Variants in UBAP2 observed in about 807,000 individuals in gnomAD.
The protein encoded by UBAP2 is ubiquitin associated protein 2, also known as ubiquitin-associated protein 2.
UBAP2 carries 75 observed loss-of-function variants against 139.6 expected under a neutral mutation model. That is an observed-to-expected ratio of 0.54 (90% CI 0.45 to 0.65). UBAP2 has a LOEUF of 0.65. UBAP2 is among the 30% of genes least tolerant of loss of function. The pLI, the probability that UBAP2 is intolerant of heterozygous loss-of-function variation, is 0.00. For missense variants in UBAP2, 1,368 were observed against 1,369.6 expected (o/e 1.00, Z 0.02); for synonymous variants, 526 against 526.2 (o/e 1.00, Z 0.01).
At chr9:33,930,862 C>T (rs1461793306) in intron 19 of UBAP2, among the ~76,000 whole-genome samples, 1 of 138,062 alleles carries the variant, frequency 7.2e-6, no homozygotes, top group Non-Finnish European at 1.5e-5. Flanking sequence ...CGCCATTGCA[C>T]TCCAGCCTAG....
chr9:33,966,859 A>C (rs1827502375), intron 8 of UBAP2, among the ~76,000 whole-genome samples: 1 of 152,184 alleles, frequency 6.6e-6, no homozygotes. Context: ...GGGAGAATAT[A>C]TGTGTATACA....
At chr9:34,047,211 A>G (rs1410444512) in intron 1 of UBAP2, among the ~76,000 whole-genome samples, 2 of 152,200 alleles carry the variant, frequency 1.3e-5, no homozygotes, top group Admixed American at 1.3e-4. Context: ...CGCTGTGGGA[A>G]AATCTCTCGT....
At chr9:33,923,764 G>A (rs367630242) in intron 24 of UBAP2, 31 bp downstream of exon 24, 11 of 1,607,594 alleles carry the variant, frequency 6.8e-6, no homozygotes, top group Admixed American at 1.7e-5. Flanking sequence ...CCAAGGCCAG[G>A]AGACACAGTC....
intron 1 of UBAP2, among the ~76,000 whole-genome samples, chr9:34,033,274 T>C (rs1240728672): frequency 6.6e-6 from 1 of 152,180 alleles, no homozygotes; most frequent in African/African-American, 2.4e-5. Context: ...AGAGTACTAC[T>C]TAGCCATAAA....
intron 1 of UBAP2, among the ~76,000 whole-genome samples, chr9:34,030,532 AG>A (rs1825803291): frequency 6.6e-6 from 1 of 152,168 alleles, no homozygotes; most frequent in African/African-American, 2.4e-5. Context: ...CTGAAATGGG[AG>A]GATCACTTGA....
intron 10 of UBAP2, among the ~76,000 whole-genome samples, chr9:33,958,596 C>T (rs1360790301): frequency 1.3e-5 from 2 of 151,452 alleles, no homozygotes; most frequent in Non-Finnish European, 2.9e-5. Flanking sequence ...TTAGTAGAGA[C>T]ACGGTTTCAC....
chr9:34,000,443 T>TA (rs747712212), intron 2 of UBAP2, among the ~76,000 whole-genome samples: 24 of 152,340 alleles, frequency 1.6e-4, no homozygotes, highest in Non-Finnish European at 2.9e-4. Flanking sequence ...TCTGGTTTCT[T>TA]AGTTTTAACG....
At chr9:33,942,595 T>A (rs1004715349) in intron 15 of UBAP2, among the ~76,000 whole-genome samples, 2 of 151,686 alleles carry the variant, frequency 1.3e-5, no homozygotes, top group African/African-American at 4.8e-5. Context: ...CTGGGCATGG[T>A]GGTGCACGCC....
At chr9:33,981,795 G>A (rs554314761) in intron 6 of UBAP2, among the ~76,000 whole-genome samples, 1 of 133,718 alleles carries the variant, frequency 7.5e-6, no homozygotes, top group East Asian at 2.6e-4. Context: ...AGGAAGGAAG[G>A]AAGGAAGGAA....
rs772201540 is a variant in UBAP2 at position 33,960,840 on chromosome 9, C to G, written c.784G>C (p.Asp262His). The change falls in exon 10 of 29, where the codon GAC (aspartate) becomes CAC (histidine). Residue 262 changes from aspartate (D) to histidine (H), a missense_variant. Coordinates refer to ENST00000379238, the MANE Select transcript of UBAP2 (RefSeq NM_001370062.2). The part of the protein sequence containing the change: ...KNSVEEWTTE[D>H]WTEDLSETKV... ...CAAACACTTACATCTTCAGTCCAGT[C>G]TTCTGTTGTCCACTCTTCCACAGAA... 2 of 1,613,486 alleles carry G rather than the reference C, an allele frequency of 1.2e-6. No homozygotes were observed. Among genetic ancestry groups the G allele is most frequent in the African/African-American group, 2.7e-5 (2 of 74,798 alleles).
chr9:34,027,586 G>A (rs189653726), intron 1 of UBAP2, among the ~76,000 whole-genome samples: 73 of 151,970 alleles, frequency 4.8e-4, no homozygotes, highest in African/African-American at 1.8e-3. Flanking sequence ...GGCCAGGCAC[G>A]GTGGCTCACG....
intron 3 of UBAP2, chr9:33,996,604 T>C (rs1822225509): frequency 3.0e-6 from 1 of 330,658 alleles, no homozygotes; most frequent in East Asian, 5.8e-5. Context: ...CACACATACG[T>C]ACCAACATTC....
chr9:34,017,017 G>GGA, intron 2 of UBAP2, 33 bp downstream of exon 2: 1 of 1,255,324 alleles, frequency 8.0e-7, no homozygotes. Context: ...GAAAAAAAAG[G>GGA]AAAAAAAAAA....
chr9:33,961,423 A>G (rs943270864), intron 9 of UBAP2, among the ~76,000 whole-genome samples: 1 of 152,220 alleles, frequency 6.6e-6, no homozygotes, highest in Admixed American at 6.5e-5. Context: ...ACTCTTGCTC[A>G]TATCAAGTCT....
In UBAP2 at chr9:33,953,312, G is replaced by A. The variant is rs139901839; in HGVS notation, c.1029C>T (p.Ala343=). 215 of 1,614,118 alleles carry A rather than the reference G, an allele frequency of 1.3e-4. No individual in the cohort carries two copies. In the African/African-American group the frequency reaches 2.3e-3, roughly 17 times the overall value. ...QMAPGTGSST[A]VNSCSPQSLS... ...GGCTCTGAGGAGAACAGGAGTTGAC[G>A]GCAGTGGAGCTGCCAGTCCCTGGTG... Residue 343 remains alanine, a synonymous_variant, in exon 12 of 29, where the codon GCC becomes GCT. Coordinates refer to ENST00000379238, the MANE Select transcript of UBAP2 (RefSeq NM_001370062.2).
intron 17 of UBAP2, 161 bp from the exon 18 acceptor site, chr9:33,933,789 C>T: frequency 2.0e-6 from 1 of 507,064 alleles, no homozygotes. Flanking sequence ...CGCCAGATAG[C>T]CCTTTGTCTG....
chr9:33,925,232 C>T (rs973267857), intron 22 of UBAP2, among the ~76,000 whole-genome samples: 1 of 152,160 alleles, frequency 6.6e-6, no homozygotes, highest in African/African-American at 2.4e-5. Flanking sequence ...GCACTCACAC[C>T]CTCCAGGAAA....
intron 1 of UBAP2, among the ~76,000 whole-genome samples, chr9:34,037,654 G>C (rs557388497): frequency 6.6e-6 from 1 of 152,106 alleles, no homozygotes; most frequent in Non-Finnish European, 1.5e-5. Flanking sequence ...AACAGCAGTA[G>C]TTATTTCTTG....
chr9:33,945,342 C>CA (rs1466406768), intron 13 of UBAP2, among the ~76,000 whole-genome samples: 1 of 151,654 alleles, frequency 6.6e-6, no homozygotes, highest in Non-Finnish European at 1.5e-5. Flanking sequence ...ACTAAAAATA[C>CA]AAAAAAATTA....
Sources: allele counts gnomAD v4.1 joint callset (sites outside exome capture counted in the v4.1 genomes callset), GRCh38; gene constraint gnomAD v4.1.1; transcripts MANE v1.5; gene names NCBI Gene and HGNC (gene_info 2026-07-23, HGNC 2026-07-21).